The following C5orf22 variants were observed in gnomAD, a reference collection of about 807,000 sequenced individuals.
C5orf22 encodes the protein chromosome 5 open reading frame 22, also known as UPF0489 protein C5orf22.
C5orf22 carries 36 observed loss-of-function variants against 48.7 expected under a neutral mutation model. That is an observed-to-expected ratio of 0.74 (90% CI 0.57 to 0.98). The LOEUF (loss-of-function observed/expected upper bound fraction) is 0.98, where lower values mean the gene tolerates loss of function less well. Ranked by LOEUF, C5orf22 falls within the 50% of genes least tolerant of loss-of-function variation. The pLI, the probability that C5orf22 is intolerant of heterozygous loss-of-function variation, is 0.00. For missense variants in C5orf22, 486 were observed against 521.9 expected (o/e 0.93, Z 0.67); for synonymous variants, 141 against 180.8 (o/e 0.78, Z 1.76).
In C5orf22 at chr5:31,534,401, A is replaced by G. The variant is rs1741950298; in HGVS notation, c.211A>G (p.Lys71Glu). 1.2e-6 allele frequency: 2 copies of G among 1,610,940 alleles called. No individual in the cohort carries two copies. The highest frequency in any genetic ancestry group is 4.5e-5 in the East Asian group (2 of 44,864). The stretch of plus-strand genomic sequence containing the variant: ...TATGCCAGCAGACACCGTGTTTGAT[A>G]AGGAAACACTCTTTGGGTAATATGT... Reference protein sequence around the residue: ...VNMPADTVFDKETLFGELSIE... With the variant: ...VNMPADTVFDEETLFGELSIE... The change falls in exon 2 of 9, where the codon AAG (lysine) becomes GAG (glutamate). Residue 71 changes from lysine to glutamate, a missense_variant. Physicochemically the swap from Lys to Glu is moderately conservative, Grantham distance 56 (BLOSUM62 1). Transcript: ENST00000325366.
chr5:31,547,264 CCT>C (rs1561328695), intron 7 of C5orf22, among the ~76,000 whole-genome samples: 6 of 152,194 alleles, frequency 3.9e-5, no homozygotes, highest in Admixed American at 3.9e-4. Context: ...CAGTTCTGCC[CCT>C]GTGGCTTTGC....
intron 3 of C5orf22, 140 bp downstream of exon 3, chr5:31,536,033 G>A (rs148777526): frequency 1.6e-5 from 12 of 734,454 alleles, no homozygotes; most frequent in South Asian, 9.6e-5. Context: ...CTCAAAACAC[G>A]AAGAACAAAC....
intron 7 of C5orf22, among the ~76,000 whole-genome samples, chr5:31,550,164 G>A (rs1375533928): frequency 2.0e-5 from 3 of 152,188 alleles, no homozygotes; most frequent in Non-Finnish European, 4.4e-5. Context: ...AATTGTTGAT[G>A]TGTATCCAAA....
intron 7 of C5orf22, among the ~76,000 whole-genome samples, chr5:31,551,001 A>G (rs1391891453): frequency 6.6e-6 from 1 of 152,206 alleles, no homozygotes; most frequent in East Asian, 1.9e-4. Context: ...GGCGAGTTCT[A>G]CCAACACTTC....
At position 31,538,541 on chromosome 5, in the gene C5orf22, G is replaced by C. The variant is rs1265200929; in HGVS notation, c.659G>C (p.Cys220Ser). 6.2e-7 allele frequency: 1 copy of C among 1,613,994 alleles called. No homozygotes were observed. The highest frequency in any genetic ancestry group is 1.3e-5 in the African/African-American group (1 of 74,918). Residue 220 changes from cysteine (C) to serine (S), a missense_variant, in exon 4 of 9, where the codon TGT becomes TCT. Physicochemically the swap from Cys to Ser is moderately radical, Grantham distance 112. This residue lies in a region of C5orf22 where 408 missense variants were observed against 444.0 expected (regional missense o/e 0.92). Coordinates refer to ENST00000325366, the MANE Select transcript of C5orf22 (RefSeq NM_018356.3). Reference sequence around the variant, plus strand: ...GACCAGACTTGCCTAGAACCATCATGTTCATGTTCTTCTGAAAATCAGGAA... The same window carrying C: ...GACCAGACTTGCCTAGAACCATCATCTTCATGTTCTTCTGAAAATCAGGAA... The part of the protein sequence containing the change: ...RSDQTCLEPS[C>S]SCSSENQECQ...
At chr5:31,541,458 T>A in intron 6 of C5orf22, 56 bp downstream of exon 6, 4 of 1,575,700 alleles carry the variant, frequency 2.5e-6, no homozygotes, top group Non-Finnish European at 3.5e-6. Flanking sequence ...GTCCTAGATA[T>A]GTTCCTAAAT....
chr5:31,537,106 A>G (rs1471572142), intron 3 of C5orf22, among the ~76,000 whole-genome samples: 3 of 152,248 alleles, frequency 2.0e-5, no homozygotes, highest in African/African-American at 7.2e-5. Context: ...TACTACTGGT[A>G]TATGTGAAAT....
At position 31,545,929 on chromosome 5, in the gene C5orf22, TTTTATGTATG is replaced by T. The variant is rs533681365; in HGVS notation, c.1059+218_1059+227del. Among the ~76,000 whole-genome samples the T allele has an allele frequency of 1.4e-4, 21 of 152,330 alleles. 1 individual carries two copies. In the South Asian group the frequency reaches 4.1e-3, roughly 30 times the overall value. On this transcript the variant is annotated intron_variant, in intron 7 of 8. Transcript: ENST00000325366. Reference sequence around the variant, plus strand: ...TCCAGGAAAAACTTTTTTTTCTCAATTTTATGTATGAAGCAAAAGTCCTGTGTGTTTTTTG... The same window carrying T: ...TCCAGGAAAAACTTTTTTTTCTCAATAAGCAAAAGTCCTGTGTGTTTTTTG...
chr5:31,548,593 G>C (rs372587131), intron 7 of C5orf22: 3 of 450,882 alleles, frequency 6.7e-6, no homozygotes, highest in African/African-American at 6.0e-5. Context: ...AAGTCTCTAG[G>C]AAGTTCCAAA....
chr5:31,552,861 C>G lies in C5orf22; in HGVS notation c.1288C>G (p.Leu430Val), dbSNP rs1743371245. 7.4e-6 allele frequency: 12 copies of G among 1,613,824 alleles called. No homozygotes were observed. Among genetic ancestry groups the G allele is most frequent in the Non-Finnish European group, 1.0e-5 (12 of 1,179,778 alleles). The part of the protein sequence containing the change: ...LNMLRALYGN[L>V]DLQVYAAESP... ...TATGCTACGTGCCCTCTATGGAAAT[C>G]TAGACCTCCAAGTGTATGCAGCAGA... Residue 430 changes from leucine (L) to valine (V), a missense_variant, in exon 9 of 9, where the codon CTA becomes GTA. Physicochemically the swap from Leu to Val is conservative, Grantham distance 32 (BLOSUM62 1). Transcript: ENST00000325366.
chr5:31,549,287 G>T (rs1417217956), intron 7 of C5orf22, among the ~76,000 whole-genome samples: 1 of 152,070 alleles, frequency 6.6e-6, no homozygotes, highest in Non-Finnish European at 1.5e-5. Flanking sequence ...AACAGTGCAG[G>T]AAAGACCCAC....
chr5:31,540,841 T>G (rs1353250663), intron 4 of C5orf22, 108 bp from the exon 5 acceptor site: 1 of 766,626 alleles, frequency 1.3e-6, no homozygotes, highest in Admixed American at 2.1e-5. Context: ...AATAATTATC[T>G]AAGATGTTCT....
chr5:31,537,234 G>C (rs1742153210), intron 3 of C5orf22, among the ~76,000 whole-genome samples: 1 of 152,128 alleles, frequency 6.6e-6, no homozygotes. Context: ...TAACAATTTT[G>C]GAAGATTTTG....
chr5:31,552,243 T>C (rs1425070142), intron 8 of C5orf22, among the ~76,000 whole-genome samples: 1 of 152,184 alleles, frequency 6.6e-6, no homozygotes, highest in Non-Finnish European at 1.5e-5. Flanking sequence ...CCTAGGAAAG[T>C]AAATCCAACA....
Position 31,541,348 on chromosome 5 carries a change from A to G in C5orf22, c.938A>G (p.Asp313Gly). 6.2e-7 allele frequency: 1 copy of G among 1,613,946 alleles called. No individual in the cohort carries two copies. Among genetic ancestry groups the G allele is most frequent in the Non-Finnish European group, 8.5e-7 (1 of 1,179,906 alleles). The change falls in exon 6 of 9, where the codon GAT (aspartate) becomes GGT (glycine). Residue 313 changes from aspartate (D) to glycine (G), a missense_variant. Around this residue, in one of 3 missense-constraint regions of C5orf22, gnomAD observed 408 missense variants for 444.0 expected, o/e 0.92. Transcript: ENST00000325366. ...GAGGATTTAGAAGCCACTTTCGCTG[A>G]TTTGTGTGATGGTGATGATGAAGAA... Reference protein sequence around the residue: ...QLEDLEATFADLCDGDDEETV... With the variant: ...QLEDLEATFAGLCDGDDEETV...
intron 4 of C5orf22, among the ~76,000 whole-genome samples, chr5:31,539,984 A>G (rs533490783): frequency 6.6e-6 from 1 of 152,160 alleles, no homozygotes; most frequent in Admixed American, 6.5e-5. Context: ...CTGGGAGGTC[A>G]AGGCTGCAGT....
chr5:31,543,571 A>T (rs539093721), intron 6 of C5orf22, among the ~76,000 whole-genome samples: 1 of 152,290 alleles, frequency 6.6e-6, no homozygotes, highest in Admixed American at 6.5e-5. Context: ...CCCTGTCTCA[A>T]AAAAAGAAAG....
At chr5:31,549,294 C>T (rs1462081118) in intron 7 of C5orf22, among the ~76,000 whole-genome samples, 1 of 152,088 alleles carries the variant, frequency 6.6e-6, no homozygotes, top group Non-Finnish European at 1.5e-5. Context: ...CAGGAAAGAC[C>T]CACCCCCACA....
intron 7 of C5orf22, 70 bp from the exon 8 acceptor site, chr5:31,551,223 C>T: frequency 7.0e-7 from 1 of 1,437,594 alleles, no homozygotes; most frequent in Non-Finnish European, 9.6e-7. Flanking sequence ...GTCAATAAGG[C>T]CATTAATGAT....
Sources: allele counts gnomAD v4.1 joint callset (sites outside exome capture counted in the v4.1 genomes callset), GRCh38; gene constraint gnomAD v4.1.1; regional missense constraint gnomAD v4.1.1; transcripts MANE v1.5; gene names NCBI Gene and HGNC (gene_info 2026-07-23, HGNC 2026-07-21).